DLGAP2: variants seen among roughly 807,000 people sequenced by gnomAD.
DLGAP2 encodes disks large-associated protein 2.
DLGAP2 carries 26 observed loss-of-function variants against 100.3 expected under a neutral mutation model. That is an observed-to-expected ratio of 0.26 (90% CI 0.19 to 0.36). DLGAP2 has a LOEUF of 0.36. DLGAP2 is among the 10% of genes least tolerant of loss of function. DLGAP2 has a pLI of 1.00. For synonymous variants in DLGAP2, 886 were observed against 630.1 expected (o/e 1.41, Z -6.08); for missense variants, 1,858 against 1,453.2 (o/e 1.28, Z -4.53).
At chr8:1,647,287 T>C (rs1798061101) in intron 8 of DLGAP2, among the ~76,000 whole-genome samples, 3 of 151,664 alleles carry the variant, frequency 2.0e-5, no homozygotes, top group Admixed American at 2.0e-4. Context: ...AAGTGTGTCT[T>C]TATCCTGGCT....
intron 3 of DLGAP2, among the ~76,000 whole-genome samples, chr8:1,328,374 A>C (rs1801070786): frequency 6.6e-6 from 1 of 151,854 alleles, no homozygotes; most frequent in Non-Finnish European, 1.5e-5. Flanking sequence ...GCTGGAGTAG[A>C]GTGGCATAGT....
chr8:816,272 T>A (rs1796475719), intron 1 of DLGAP2, among the ~76,000 whole-genome samples: 1 of 102,592 alleles, frequency 9.7e-6, no homozygotes, highest in Non-Finnish European at 2.0e-5. Context: ...CTGAATACCT[T>A]GGGTTTTTTT....
At chr8:1,095,262 C>T (rs1002740528) in intron 2 of DLGAP2, among the ~76,000 whole-genome samples, 11 of 152,200 alleles carry the variant, frequency 7.2e-5, no homozygotes, top group Admixed American at 3.9e-4. Context: ...GTTAGGGCCA[C>T]GTTTGGGAAA....
chr8:1,120,405 A>G (rs553302506), intron 2 of DLGAP2, among the ~76,000 whole-genome samples: 30 of 152,320 alleles, frequency 2.0e-4, no homozygotes, highest in African/African-American at 6.7e-4. Context: ...AGATACCATG[A>G]CAGCTATGCT....
chr8:778,479 A>C (rs1821590107), intron 1 of DLGAP2, among the ~76,000 whole-genome samples: 1 of 152,028 alleles, frequency 6.6e-6, no homozygotes, highest in Non-Finnish European at 1.5e-5. Flanking sequence ...TTGTGGTTTT[A>C]TCTACTTTTG....
intron 3 of DLGAP2, among the ~76,000 whole-genome samples, chr8:1,262,255 A>G (rs990297504): frequency 2.6e-5 from 4 of 152,220 alleles, no homozygotes; most frequent in African/African-American, 9.6e-5. Flanking sequence ...AGAGAACTTA[A>G]AATTTTAATT....
chr8:1,681,736 A>G (rs993216825), intron 12 of DLGAP2, among the ~76,000 whole-genome samples: 2 of 152,234 alleles, frequency 1.3e-5, no homozygotes, highest in Non-Finnish European at 2.9e-5. Flanking sequence ...AGACCTCATT[A>G]ATGCTCATCC....
intron 2 of DLGAP2, among the ~76,000 whole-genome samples, chr8:967,108 G>T (rs1799890074): frequency 6.6e-6 from 1 of 152,240 alleles, no homozygotes; most frequent in African/African-American, 2.4e-5. Flanking sequence ...TTATACAGAT[G>T]TCTTTCCAGC....
intron 2 of DLGAP2, among the ~76,000 whole-genome samples, chr8:908,748 G>C (rs746230033): frequency 6.6e-6 from 1 of 152,160 alleles, no homozygotes; most frequent in Non-Finnish European, 1.5e-5. Flanking sequence ...TGCCTCTTTC[G>C]TGTGAGGGGC....
intron 12 of DLGAP2, among the ~76,000 whole-genome samples, chr8:1,682,298 A>G (rs1798971003): frequency 6.6e-6 from 1 of 152,206 alleles, no homozygotes; most frequent in Admixed American, 6.5e-5. Flanking sequence ...CAAGAATGAA[A>G]GTCCCTACAA....
intron 2 of DLGAP2, among the ~76,000 whole-genome samples, chr8:1,048,732 G>A (rs1017856173): frequency 2.0e-5 from 3 of 151,934 alleles, no homozygotes; most frequent in Non-Finnish European, 2.9e-5. Flanking sequence ...GGGCTGCGGT[G>A]GGCCTAGCCT....
At chr8:888,468 T>C (rs1023796271) in intron 1 of DLGAP2, among the ~76,000 whole-genome samples, 2 of 152,196 alleles carry the variant, frequency 1.3e-5, no homozygotes, top group African/African-American at 4.8e-5. Flanking sequence ...CCTTTTGGGT[T>C]TTCAGCATTT....
At chr8:742,702 C>T (rs553685089) in intron 1 of DLGAP2, among the ~76,000 whole-genome samples, 1 of 151,638 alleles carries the variant, frequency 6.6e-6, no homozygotes, top group Admixed American at 6.6e-5. Flanking sequence ...AGACGGAGGT[C>T]TTGCAGTGTT....
intron 1 of DLGAP2, among the ~76,000 whole-genome samples, chr8:893,738 G>A (rs1479528924): frequency 6.6e-6 from 1 of 152,260 alleles, no homozygotes; most frequent in African/African-American, 2.4e-5. Flanking sequence ...TTTGGAAAAT[G>A]TTTGCAGAGC....
At chr8:1,306,409 C>G (rs1178461032) in intron 3 of DLGAP2, among the ~76,000 whole-genome samples, 2 of 152,066 alleles carry the variant, frequency 1.3e-5, no homozygotes, top group Non-Finnish European at 2.9e-5. Flanking sequence ...ACACTGAAAA[C>G]TATAAAATGT....
chr8:1,536,807 A>G (rs79870818), intron 4 of DLGAP2, among the ~76,000 whole-genome samples: 7 of 152,086 alleles, frequency 4.6e-5, no homozygotes, highest in African/African-American at 1.2e-4. Context: ...TTTCCATTCA[A>G]ATATTTCACT....
At chr8:1,461,195 T>C (rs890533051) in intron 3 of DLGAP2, among the ~76,000 whole-genome samples, 1 of 139,094 alleles carries the variant, frequency 7.2e-6, no homozygotes, top group Non-Finnish European at 1.6e-5. Context: ...CAGGACTGGG[T>C]GCAGTCGCTG....
At chr8:1,049,351 C>A (rs980491930) in intron 2 of DLGAP2, among the ~76,000 whole-genome samples, 1 of 152,078 alleles carries the variant, frequency 6.6e-6, no homozygotes, top group Non-Finnish European at 1.5e-5. Flanking sequence ...ACACAGACAC[C>A]TTCTTCCCGT....
intron 6 of DLGAP2, among the ~76,000 whole-genome samples, chr8:1,573,538 C>A (rs78507316): frequency 1.2e-3 from 186 of 152,206 alleles, no homozygotes; most frequent in African/African-American, 4.4e-3. Flanking sequence ...GTGGGTTTCA[C>A]AGCTTGGGGA....
Sources: gnomAD v4.1 joint callset for allele counts (sites outside exome capture counted in the v4.1 genomes callset) on GRCh38, gnomAD v4.1.1 for gene constraint, MANE v1.5 for transcripts, NCBI Gene and HGNC (gene_info 2026-07-23, HGNC 2026-07-21) for gene names.